The following PPP1CC variants were observed in gnomAD, a reference collection of about 807,000 sequenced individuals.
PPP1CC encodes serine/threonine-protein phosphatase PP1-gamma catalytic subunit.
PPP1CC carries 16 observed loss-of-function variants against 38.4 expected under a neutral mutation model. That is an observed-to-expected ratio of 0.42 (90% CI 0.28 to 0.63). The LOEUF is 0.63. PPP1CC is among the 30% of genes least tolerant of loss of function. PPP1CC has a pLI of 0.25. For missense variants in PPP1CC, 170 were observed against 391.3 expected, an observed-to-expected ratio of 0.43 and a Z score of 4.77; for synonymous variants, 158 against 136.0, an observed-to-expected ratio of 1.16 and a Z score of -1.13.
intron 1 of PPP1CC, among the ~76,000 whole-genome samples, chr12:110,741,212 AG>A (rs1290138502): frequency 2.6e-5 from 4 of 151,896 alleles, no homozygotes; most frequent in Non-Finnish European, 2.9e-5. Flanking sequence ...TTTTAAAGAC[AG>A]CATAAAAGGA....
At chr12:110,734,832 G>T (rs2069923213) in intron 1 of PPP1CC, 1 of 152,658 alleles carries the variant, frequency 6.6e-6, no homozygotes. Context: ...GTGAACACTG[G>T]AGAGTTCTTA....
chr12:110,716,090 T>A (rs562017716), downstream of PPP1CC, among the ~76,000 whole-genome samples: 2 of 149,032 alleles, frequency 1.3e-5, no homozygotes, highest in African/African-American at 5.1e-5. Context: ...TAAAGACTTA[T>A]GTCTTCCTTC....
intron 3 of PPP1CC, among the ~76,000 whole-genome samples, chr12:110,728,732 T>C (rs552170438): frequency 6.6e-6 from 1 of 152,310 alleles, no homozygotes; most frequent in African/African-American, 2.4e-5. Flanking sequence ...ATGTACAAGT[T>C]CAATGCTATC....
chr12:110,716,063 C>G (rs183956300), downstream of PPP1CC, among the ~76,000 whole-genome samples: 34 of 152,086 alleles, frequency 2.2e-4, no homozygotes, highest in African/African-American at 8.0e-4. Context: ...ATTGGTTGTT[C>G]CATCCCAATA....
chr12:110,733,813 G>A (rs763433926), intron 1 of PPP1CC, among the ~76,000 whole-genome samples: 1 of 152,116 alleles, frequency 6.6e-6, no homozygotes, highest in Non-Finnish European at 1.5e-5. Flanking sequence ...ATTAGATGCA[G>A]CTTTTCCAGA....
chr12:110,741,771 TCA>T (rs1491125791), intron 1 of PPP1CC, among the ~76,000 whole-genome samples: 1 of 152,222 alleles, frequency 6.6e-6, no homozygotes, highest in Non-Finnish European at 1.5e-5. Context: ...TGACTTCATC[TCA>T]GTTTCTTCTG....
chr12:110,714,641 T>C, the PPP1CC span, among the ~76,000 whole-genome samples: 2 of 151,290 alleles, frequency 1.3e-5, no homozygotes, highest in Admixed American at 1.3e-4. Flanking sequence ...ACCCCGTCTC[T>C]GCTAAAAATA....
intron 3 of PPP1CC, 32 bp downstream of exon 3, chr12:110,730,497 T>G: frequency 6.2e-6 from 9 of 1,448,132 alleles, no homozygotes; most frequent in Non-Finnish European, 8.5e-6. Context: ...TTAATTTCAA[T>G]AACTCTTCCT....
rs1177837082 is a variant in PPP1CC, at chr12:110,722,040, C to T, written c.882+95G>A. The T allele has an allele frequency of 6.7e-7, 1 of 1,498,676 alleles. No homozygotes were observed. The highest frequency in any genetic ancestry group is 9.2e-7 in the Non-Finnish European group (1 of 1,092,338). 92.8% of individuals were successfully genotyped at this position (1,498,676 alleles called of 1,614,324 possible). On this transcript the variant is annotated intron_variant, in intron 6 of 6. Coordinates refer to ENST00000335007, the MANE Select transcript of PPP1CC (RefSeq NM_002710.4). This position sits in a 1 kb window ranked among gnomAD's most constrained non-coding sequence, Gnocchi z 5.4. ...GAAAATAAAAACTTAGCCTACTCAG[C>T]ATAAGTGAACACTAGGCAAAAAGTA...
the PPP1CC span, among the ~76,000 whole-genome samples, chr12:110,712,437 C>T: frequency 1.6e-4 from 24 of 151,294 alleles, no homozygotes; most frequent in Non-Finnish European, 2.2e-4. Flanking sequence ...GTCAGGAGTT[C>T]GAGACCAGCC....
At chr12:110,725,423 T>G (rs1388086030) in intron 3 of PPP1CC, 1 of 152,292 alleles carries the variant, frequency 6.6e-6, no homozygotes. Flanking sequence ...CAGCCCTCAG[T>G]ACTCTAGCAG....
chr12:110,717,618 G>T (rs556736538), downstream of PPP1CC, among the ~76,000 whole-genome samples: 1 of 151,816 alleles, frequency 6.6e-6, no homozygotes, highest in South Asian at 2.1e-4. Context: ...GGATGGTCTC[G>T]ATCTCCTGAC....
intron 1 of PPP1CC, among the ~76,000 whole-genome samples, chr12:110,737,497 A>AAAAAAAAAAAAG (rs2069959460): frequency 2.7e-5 from 4 of 147,620 alleles, no homozygotes; most frequent in African/African-American, 1.0e-4. Flanking sequence ...AAAAAAAAAA[A>AAAAAAAAAAAAG]AAAAGAAAAG....
At chr12:110,716,455 C>T (rs530840002), downstream of PPP1CC, among the ~76,000 whole-genome samples, 1 of 151,768 alleles carries the variant, frequency 6.6e-6, no homozygotes, top group Admixed American at 6.6e-5. Flanking sequence ...CAGGTTCAAG[C>T]GATTCTCCTG....
At chr12:110,717,818 C>T (rs2069699491), downstream of PPP1CC, among the ~76,000 whole-genome samples, 1 of 152,182 alleles carries the variant, frequency 6.6e-6, no homozygotes. Flanking sequence ...TCAGGTGATA[C>T]TTGGATTACA....
the PPP1CC span, among the ~76,000 whole-genome samples, chr12:110,712,686 C>T: frequency 6.9e-6 from 1 of 144,550 alleles, no homozygotes; most frequent in African/African-American, 2.6e-5. Flanking sequence ...CTGAAATCCC[C>T]TTGATGAAAA....
At chr12:110,723,028 G>A (rs186666131) in intron 4 of PPP1CC, among the ~76,000 whole-genome samples, 190 of 152,330 alleles carry the variant, frequency 1.2e-3, no homozygotes, top group Non-Finnish European at 3.1e-4. Context: ...AATAATGAGC[G>A]ATGTTATGAT....
At position 110,724,747 on chromosome 12, in the gene PPP1CC, T is replaced by C; in HGVS notation, c.436A>G (p.Ile146Val). The C allele has an allele frequency of 6.3e-7, 1 of 1,596,814 alleles. No homozygotes were observed. The highest frequency in any genetic ancestry group is 8.6e-7 in the Non-Finnish European group (1 of 1,164,436). Residue 146 changes from isoleucine to valine, a missense_variant, in exon 4 of 7, where the codon ATT (isoleucine) becomes GTT (valine). Physicochemically the swap from Ile to Val is conservative, Grantham distance 29. Transcript: ENST00000335007. ...FYDECKRRYN[I>V]KLWKTFTDCF... ...TCTGTGAAAGTTTTCCATAGTTTAA[T>C]GTTGTATCTTCTTTTACCTGTGATT...
chr12:110,720,025 T>G lies in PPP1CC; in HGVS notation c.*1051A>C. ...CTTAGTTTAAAAAAGTCATAGGTAC[T>G]GTGAGTTCTGTATAAACTGGTGGAC... On this transcript the variant is annotated 3_prime_UTR_variant, in exon 7 of 7. Transcript: ENST00000335007. 1.1e-6 allele frequency: 1 copy of G among 930,550 alleles called. No homozygotes were observed. The highest frequency in any genetic ancestry group is 1.7e-5 in the South Asian group (1 of 60,412). 57.6% of individuals were successfully genotyped at this position (930,550 alleles called of 1,614,324 possible).
Sources: gnomAD v4.1 joint callset for allele counts (sites outside exome capture counted in the v4.1 genomes callset) on GRCh38, gnomAD v4.1.1 for gene constraint, Gnocchi (gnomAD v3.1) non-coding constraint, MANE v1.5 for transcripts, NCBI Gene and HGNC (gene_info 2026-07-23, HGNC 2026-07-21) for gene names.